CAPS2: variants seen among roughly 807,000 people sequenced by gnomAD.
CAPS2 encodes the protein calcyphosine 2, also known as calcyphosin-2.
CAPS2 carries 98 observed loss-of-function variants against 86.5 expected under a neutral mutation model. The ratio of observed to expected loss-of-function variants is 1.13; its 90% CI spans 0.96 to 1.34. The LOEUF (loss-of-function observed/expected upper bound fraction) is 1.34, where lower values mean the gene tolerates loss of function less well. Among genes scored for constraint, CAPS2 ranks in the 40% most tolerant of loss-of-function variants. The probability of loss-of-function intolerance (pLI) is 0.00; values close to 1 mark genes in which losing one functional copy is unlikely to be tolerated. For synonymous variants in CAPS2, 210 were observed against 225.1 expected, an observed-to-expected ratio of 0.93 and a Z score of 0.60; for missense variants, 729 against 686.8, an observed-to-expected ratio of 1.06 and a Z score of -0.69.
At position 75,289,691 on chromosome 12, in the gene CAPS2, C is replaced by T. The variant is rs771063948; in HGVS notation, c.1325G>A (p.Gly442Glu). The T allele has an allele frequency of 7.4e-5, 120 of 1,613,116 alleles. No homozygotes were observed. The South Asian group carries it at 1.2e-3, about 16-fold the overall frequency. ...ATCTGCCTTATCTAAAAGTCCATTT[C>T]CTTCCTTGTCCAACTGTTGAAAATA... The change falls in exon 14 of 17, where the codon GGA (glycine) becomes GAA (glutamate). Residue 442 changes from glycine to glutamate, a missense_variant. Transcript: ENST00000393284.
intron 2 of CAPS2, among the ~76,000 whole-genome samples, chr12:75,324,891 T>C (rs1251246930): frequency 6.6e-6 from 1 of 152,106 alleles, no homozygotes; most frequent in East Asian, 1.9e-4. Flanking sequence ...TATCCTTAAA[T>C]TGATGCCAAC....
chr12:75,378,155 G>A (rs542070449), intron 1 of CAPS2, among the ~76,000 whole-genome samples: 50 of 151,880 alleles, frequency 3.3e-4, no homozygotes, highest in Non-Finnish European at 5.6e-4. Flanking sequence ...GTGCCACCAC[G>A]CCTGGCTAAT....
intron 9 of CAPS2, among the ~76,000 whole-genome samples, chr12:75,299,194 T>C (rs1216038959): frequency 6.6e-6 from 1 of 152,148 alleles, no homozygotes; most frequent in African/African-American, 2.4e-5. Flanking sequence ...ACATTAAAAG[T>C]GGATATATTT....
intron 1 of CAPS2, among the ~76,000 whole-genome samples, chr12:75,348,247 A>G (rs1482873712): frequency 6.6e-6 from 1 of 152,212 alleles, no homozygotes; most frequent in Non-Finnish European, 1.5e-5. Flanking sequence ...TAGGAAGACT[A>G]TAAAAACAGT....
chr12:75,331,567 C>T (rs944474168), upstream of CAPS2, among the ~76,000 whole-genome samples: 60 of 146,402 alleles, frequency 4.1e-4, 4 homozygotes, highest in Middle Eastern at 7.1e-3. Flanking sequence ...CTAAATTTAA[C>T]TTTTTTTTTT....
chr12:75,298,969 G>A lies in CAPS2; in HGVS notation c.855-3C>T, dbSNP rs370330690. ...CTCTGCAAGCATCACGTCCATTACT[G>A]GAAAAATAGAATGAAATCAAACATC... On this transcript the variant is annotated splice_polypyrimidine_tract_variant and splice_region_variant and intron_variant, in intron 9 of 16. Transcript: ENST00000393284. The A allele has an allele frequency of 2.6e-6, 4 of 1,559,000 alleles. No homozygotes were observed. Among genetic ancestry groups the A allele is most frequent in the Non-Finnish European group, 2.6e-6 (3 of 1,149,674 alleles).
At chr12:75,382,465 C>T (rs2045050264) in intron 1 of CAPS2, among the ~76,000 whole-genome samples, 1 of 151,988 alleles carries the variant, frequency 6.6e-6, no homozygotes, top group Non-Finnish European at 1.5e-5. Flanking sequence ...CATGGTGAAA[C>T]CCCATCTCTA....
chr12:75,373,248 AG>A (rs756911559), intron 1 of CAPS2, among the ~76,000 whole-genome samples: 1 of 152,188 alleles, frequency 6.6e-6, no homozygotes, highest in Non-Finnish European at 1.5e-5. Flanking sequence ...GGGTGATGAC[AG>A]GGGTGTCTGG....
chr12:75,366,873 ATT>A, intron 1 of CAPS2: 1 of 701,492 alleles, frequency 1.4e-6, no homozygotes, highest in South Asian at 1.5e-5. Flanking sequence ...TTTAAAACTA[ATT>A]TTGTTGAGGG....
chr12:75,321,488 C>A, exon 5 of CAPS2: 1 of 1,545,560 alleles, frequency 6.5e-7, no homozygotes, highest in Non-Finnish European at 8.8e-7. Flanking sequence ...CTGCTTATAG[C>A]CCTCTTTAAT....
intron 15 of CAPS2, among the ~76,000 whole-genome samples, chr12:75,282,694 T>C (rs1410289592): frequency 6.6e-6 from 1 of 152,040 alleles, no homozygotes; most frequent in Non-Finnish European, 1.5e-5. Context: ...GCCTGGCAAA[T>C]GTTATTTTTT....
At chr12:75,347,282 T>G (rs76503544) in intron 1 of CAPS2, among the ~76,000 whole-genome samples, 1 of 152,084 alleles carries the variant, frequency 6.6e-6, no homozygotes. Flanking sequence ...TTTCATATTG[T>G]TTGTATGATA....
intron 1 of CAPS2, among the ~76,000 whole-genome samples, chr12:75,385,529 C>A (rs966440458): frequency 2.6e-5 from 4 of 152,124 alleles, no homozygotes; most frequent in African/African-American, 9.7e-5. Context: ...AAACAGGAAG[C>A]TTTCTCACTA....
At chr12:75,277,127 G>A, downstream of CAPS2, 1 of 982,642 alleles carries the variant, frequency 1.0e-6, no homozygotes. Flanking sequence ...ATAACCACAT[G>A]TGAATGCTTA....
At chr12:75,292,080 T>C (rs1444334893) in intron 12 of CAPS2, among the ~76,000 whole-genome samples, 1 of 152,072 alleles carries the variant, frequency 6.6e-6, no homozygotes, top group Non-Finnish European at 1.5e-5. Context: ...TGTTTGTTTG[T>C]TTTTGAGACA....
chr12:75,293,213 C>T (rs759019955), intron 12 of CAPS2, 36 bp downstream of exon 12: 2 of 1,171,150 alleles, frequency 1.7e-6, no homozygotes, highest in Admixed American at 1.8e-5. Context: ...AGTGTTTTCA[C>T]CTACTTTCAA....
At position 75,292,701 on chromosome 12, in the gene CAPS2, T is replaced by C. The variant is rs1013572950; in HGVS notation, c.1163+548A>G. On this transcript the variant is annotated intron_variant, in intron 12 of 16. Coordinates refer to ENST00000393284, the Ensembl canonical transcript of CAPS2. ...ATCTATAATACATATATAATATGTA[T>C]ATATTATATATTATATATAATATCA... 8.1e-5 allele frequency among the ~76,000 whole-genome samples: 12 copies of C among 147,254 alleles called. No individual in the cohort carries two copies. The East Asian group carries it at 2.2e-3, about 26-fold the overall frequency.
chr12:75,315,879 TTAAAGTTAA>T (rs2039704749), intron 6 of CAPS2, among the ~76,000 whole-genome samples: 1 of 152,068 alleles, frequency 6.6e-6, no homozygotes, highest in African/African-American at 2.4e-5. Context: ...AAGACATAAT[TTAAAGTTAA>T]TATTGAGCAT....
At chr12:75,376,655 C>T (rs2044664848) in intron 1 of CAPS2, among the ~76,000 whole-genome samples, 3 of 152,162 alleles carry the variant, frequency 2.0e-5, no homozygotes, top group South Asian at 4.1e-4. Context: ...GAGCTCAGTG[C>T]CCCCAGCCTC....
Sources: allele counts gnomAD v4.1 joint callset (sites outside exome capture counted in the v4.1 genomes callset), GRCh38; gene constraint gnomAD v4.1.1; transcripts MANE v1.5; gene names NCBI Gene and HGNC (gene_info 2026-07-23, HGNC 2026-07-21).